The following CHCHD3 variants were observed in gnomAD, a reference collection of about 807,000 sequenced individuals.
CHCHD3 encodes the protein MICOS complex subunit MIC19.
Under a neutral mutation model 38.2 loss-of-function variants are expected in CHCHD3, and 20 were observed. The ratio of observed to expected loss-of-function variants is 0.52; its 90% confidence interval spans 0.37 to 0.76. CHCHD3 has a LOEUF of 0.76. Ranked by LOEUF, CHCHD3 falls within the 30% of genes least tolerant of loss-of-function variation. CHCHD3 has a pLI of 0.00. For missense variants in CHCHD3, 245 were observed against 279.2 expected, an observed-to-expected ratio of 0.88 and a Z score of 0.87; for synonymous variants, 82 against 100.0, an observed-to-expected ratio of 0.82 and a Z score of 1.07.
chr7:132,867,756 C>A (rs1808668119), intron 5 of CHCHD3, among the ~76,000 whole-genome samples: 1 of 152,074 alleles, frequency 6.6e-6, no homozygotes, highest in Non-Finnish European at 1.5e-5. Flanking sequence ...TATACCAATA[C>A]CCTGTTATGC....
intron 4 of CHCHD3, among the ~76,000 whole-genome samples, chr7:132,968,667 C>T (rs1317828844): frequency 6.6e-6 from 1 of 152,084 alleles, no homozygotes; most frequent in African/African-American, 2.4e-5. Flanking sequence ...TTTAAATGCC[C>T]AATAAAAGAA....
intron 4 of CHCHD3, among the ~76,000 whole-genome samples, chr7:132,960,546 A>T (rs934240071): frequency 5.9e-5 from 9 of 152,228 alleles, no homozygotes; most frequent in African/African-American, 1.9e-4. Context: ...CCTGTGCATG[A>T]CAGGGAATGA....
chr7:132,852,234 C>G (rs563720386), intron 5 of CHCHD3, among the ~76,000 whole-genome samples: 4 of 152,298 alleles, frequency 2.6e-5, no homozygotes, highest in Admixed American at 6.5e-5. Context: ...AGAAGCACTA[C>G]TGCTGAAGAG....
Position 132,887,746 on chromosome 7 carries a change from G to T in CHCHD3, c.370-2001C>A, listed in dbSNP as rs534033716. On this transcript the variant is annotated intron_variant, in intron 4 of 7. Coordinates refer to ENST00000262570, the MANE Select transcript of CHCHD3 (RefSeq NM_017812.4). ...AGATAATACCAATTAAGGTAATATG[G>T]TGTCATTATTCATCTACCAATTAAC... Among the ~76,000 whole-genome samples the T allele has an allele frequency of 4.6e-5, 7 of 151,768 alleles. No individual in the cohort carries two copies. In the South Asian group the frequency reaches 6.3e-4, roughly 14 times the overall value.
chr7:132,969,488 G>A (rs1014244519), intron 4 of CHCHD3, among the ~76,000 whole-genome samples: 1 of 152,188 alleles, frequency 6.6e-6, no homozygotes, highest in Non-Finnish European at 1.5e-5. Context: ...ACTGAAGTCA[G>A]ACTTCACGCT....
At chr7:133,078,787 G>C (rs1815078975) in intron 1 of CHCHD3, among the ~76,000 whole-genome samples, 1 of 152,190 alleles carries the variant, frequency 6.6e-6, no homozygotes, top group Non-Finnish European at 1.5e-5. Context: ...TGTTGAATTA[G>C]TAAGCTTGGT....
chr7:132,790,759 C>G (rs1187774718), intron 7 of CHCHD3, among the ~76,000 whole-genome samples: 2 of 152,062 alleles, frequency 1.3e-5, no homozygotes, highest in Non-Finnish European at 2.9e-5. Flanking sequence ...TCGGGGGGAC[C>G]CTGATGTGGG....
chr7:133,063,552 A>G (rs567794181), intron 2 of CHCHD3, among the ~76,000 whole-genome samples: 1 of 152,310 alleles, frequency 6.6e-6, no homozygotes, highest in South Asian at 2.1e-4. Context: ...ACAAACAAAA[A>G]TGCTTATGGG....
At chr7:132,935,399 A>G (rs1273651960) in intron 4 of CHCHD3, among the ~76,000 whole-genome samples, 2 of 152,220 alleles carry the variant, frequency 1.3e-5, no homozygotes, top group Non-Finnish European at 2.9e-5. Flanking sequence ...AAAATACAAT[A>G]AAATAGAAAC....
At chr7:132,819,727 C>T (rs990720979) in intron 6 of CHCHD3, among the ~76,000 whole-genome samples, 1 of 152,142 alleles carries the variant, frequency 6.6e-6, no homozygotes, top group Non-Finnish European at 1.5e-5. Flanking sequence ...AGGGAGGTGT[C>T]TAGAAAGACT....
intron 4 of CHCHD3, among the ~76,000 whole-genome samples, chr7:132,964,020 T>C (rs1214317520): frequency 6.6e-6 from 1 of 152,228 alleles, no homozygotes; most frequent in African/African-American, 2.4e-5. Context: ...TCAAACTCTA[T>C]TCAGAGCTTG....
At chr7:132,953,896 C>T (rs1811094963) in intron 4 of CHCHD3, among the ~76,000 whole-genome samples, 1 of 152,152 alleles carries the variant, frequency 6.6e-6, no homozygotes, top group Admixed American at 6.5e-5. Flanking sequence ...CCTCCTTTCA[C>T]TTTCCCAGTT....
intron 2 of CHCHD3, chr7:133,036,088 G>A (rs541045923): frequency 3.0e-6 from 2 of 670,250 alleles, no homozygotes; most frequent in African/African-American, 3.6e-5. Flanking sequence ...CTAGGCAATT[G>A]AGATTTCCTT....
intron 5 of CHCHD3, among the ~76,000 whole-genome samples, chr7:132,879,987 G>A (rs772604548): frequency 8.5e-5 from 13 of 152,070 alleles, no homozygotes; most frequent in Non-Finnish European, 1.6e-4. Context: ...ATTTTCCCAG[G>A]AAATGTCAAA....
intron 2 of CHCHD3, among the ~76,000 whole-genome samples, chr7:133,026,129 G>C (rs1006945886): frequency 6.6e-6 from 1 of 152,212 alleles, no homozygotes; most frequent in Admixed American, 6.5e-5. Flanking sequence ...CAAGGGACTC[G>C]TATCCAGAGT....
At chr7:132,969,658 A>G (rs1811562804) in intron 4 of CHCHD3, among the ~76,000 whole-genome samples, 1 of 151,904 alleles carries the variant, frequency 6.6e-6, no homozygotes, top group South Asian at 2.1e-4. Flanking sequence ...AATAGTTCCT[A>G]CTCCTCTTCT....
chr7:132,978,672 C>T (rs140808759), intron 3 of CHCHD3, among the ~76,000 whole-genome samples: 133 of 152,236 alleles, frequency 8.7e-4, no homozygotes, highest in African/African-American at 3.1e-3. Context: ...GGCTTAGCCA[C>T]CATGTTAGAT....
intron 2 of CHCHD3, among the ~76,000 whole-genome samples, chr7:133,038,193 C>T (rs1178661701): frequency 6.6e-6 from 1 of 152,132 alleles, no homozygotes; most frequent in Admixed American, 6.5e-5. Context: ...CACAGGTATC[C>T]TGCCCATATA....
chr7:132,833,566 G>T (rs1014253098), intron 6 of CHCHD3, among the ~76,000 whole-genome samples: 10 of 152,132 alleles, frequency 6.6e-5, no homozygotes, highest in African/African-American at 2.4e-4. Flanking sequence ...TGAACTCTGA[G>T]TTCCACACTA....
Sources: gnomAD v4.1 joint callset for allele counts (sites outside exome capture counted in the v4.1 genomes callset) on GRCh38, gnomAD v4.1.1 for gene constraint, MANE v1.5 for transcripts, NCBI Gene and HGNC (gene_info 2026-07-23, HGNC 2026-07-21) for gene names.